Variants in HELB observed in about 807,000 individuals in gnomAD.
The protein encoded by HELB is DNA helicase B, also known as DNA 5'-3' helicase B.
A neutral mutation model predicts 101.7 loss-of-function variants in HELB; 96 were observed. The ratio of observed to expected loss-of-function variants is 0.94; its 90% confidence interval spans 0.80 to 1.12. HELB has a LOEUF of 1.12. HELB is among the 50% of genes most tolerant of loss of function. The pLI, the probability that HELB is intolerant of heterozygous loss-of-function variation, is 0.00. For missense variants in HELB, 1,210 were observed against 1,291.9 expected (o/e 0.94, Z 0.97); for synonymous variants, 437 against 459.7 (o/e 0.95, Z 0.63).
intron 7 of HELB, among the ~76,000 whole-genome samples, chr12:66,320,065 A>C (rs187659401): frequency 6.6e-6 from 1 of 152,200 alleles, no homozygotes; most frequent in Admixed American, 6.5e-5. Context: ...AAAAGTGAAC[A>C]AATATATTTT....
At chr12:66,321,702 C>G (rs1045739185) in intron 7 of HELB, 5 of 381,986 alleles carry the variant, frequency 1.3e-5, no homozygotes, top group Non-Finnish European at 2.4e-5. Flanking sequence ...AAATGGGGAA[C>G]TGTCCTGGCC....
chr12:66,325,247 A>G, intron 11 of HELB, 121 bp downstream of exon 11: 1 of 655,358 alleles, frequency 1.5e-6, no homozygotes, highest in Non-Finnish European at 2.6e-6. Context: ...AAAATACACA[A>G]AAGTACAGAA....
rs767771511 is a variant in HELB at position 66,324,985 on chromosome 12, T to C, written c.2529T>C (p.Asp843=). 2 of 1,612,192 alleles carry C rather than the reference T, an allele frequency of 1.2e-6. No individual in the cohort carries two copies. The highest frequency in any genetic ancestry group is 8.5e-7 in the Non-Finnish European group (1 of 1,178,356). The change falls in exon 11 of 13, where the codon GAT becomes GAC. Residue 843 remains aspartate, a splice_region_variant and synonymous_variant. Transcript: ENST00000247815. ...ATAGTTCTTTGGTTTGGTGACAGGA[T>C]GTAACTGATGTAACTTTTGGAAAGA... ...CNGEIFFITN[D]VTDVTFGKRR... is the part of the protein sequence containing the mutation.
At chr12:66,317,534 A>T (rs1280226049) in intron 6 of HELB, among the ~76,000 whole-genome samples, 1 of 152,250 alleles carries the variant, frequency 6.6e-6, no homozygotes, top group Non-Finnish European at 1.5e-5. Flanking sequence ...AAAGTCCAAG[A>T]AACGTGGAGG....
Position 66,318,620 on chromosome 12 carries a change from GTGT to G in HELB, c.2001-16_2001-14del, listed in dbSNP as rs1251307261. On this transcript the variant is annotated splice_polypyrimidine_tract_variant and intron_variant, in intron 6 of 12. Transcript: ENST00000247815. ...GGATGATAATGTTCTTTGTGTGTGT[GTGT>G]TATCTTTATTCAAGAATCTCAAGAC... 1.3e-6 allele frequency: 2 copies of G among 1,589,860 alleles called. No individual in the cohort carries two copies. The highest frequency in any genetic ancestry group is 2.7e-5 in the African/African-American group (2 of 73,446).
intron 11 of HELB, among the ~76,000 whole-genome samples, 173 bp downstream of exon 11, chr12:66,325,299 AG>A (rs1200579858): frequency 5.3e-5 from 8 of 152,284 alleles, no homozygotes; most frequent in African/African-American, 1.9e-4. Context: ...TTTTTGCTCC[AG>A]AGCTCTCTTT....
chr12:66,325,399 A>G (rs949965688), intron 11 of HELB, among the ~76,000 whole-genome samples: 2 of 152,122 alleles, frequency 1.3e-5, no homozygotes, highest in Admixed American at 6.5e-5. Flanking sequence ...TTGGCATGGC[A>G]CTGTACTCAT....
At chr12:66,330,760 C>A (rs192074925) in intron 11 of HELB, among the ~76,000 whole-genome samples, 6 of 149,574 alleles carry the variant, frequency 4.0e-5, no homozygotes, top group African/African-American at 7.3e-5. Context: ...TATAATATAT[C>A]TATATGTTTA....
chr12:66,305,212 T>G, intron 2 of HELB, 62 bp downstream of exon 2: 1 of 1,016,994 alleles, frequency 9.8e-7, no homozygotes, highest in Non-Finnish European at 1.5e-6. Context: ...CTACAGTGTT[T>G]AAAATGTTAC....
intron 6 of HELB, 35 bp downstream of exon 6, chr12:66,315,418 G>C: frequency 6.3e-6 from 9 of 1,425,128 alleles, no homozygotes; most frequent in Non-Finnish European, 8.4e-6. Context: ...TTTTCTGTCT[G>C]TTGTATTAGA....
chr12:66,322,296 C>T (rs2137005163), intron 8 of HELB, among the ~76,000 whole-genome samples: 1 of 152,174 alleles, frequency 6.6e-6, no homozygotes, highest in South Asian at 2.1e-4. Flanking sequence ...GGCTTGGTGG[C>T]TCACACCTGT....
chr12:66,306,609 G>A (rs2053479497), intron 3 of HELB, 95 bp downstream of exon 3: 3 of 753,058 alleles, frequency 4.0e-6, no homozygotes, highest in Middle Eastern at 3.6e-4. Flanking sequence ...AAAAAAATTT[G>A]TGTGGACCCC....
At chr12:66,306,564 T>C (rs1451761292) in intron 3 of HELB, 50 bp downstream of exon 3, 1 of 1,357,632 alleles carries the variant, frequency 7.4e-7, no homozygotes, top group Non-Finnish European at 9.8e-7. Flanking sequence ...AAGGCATGGT[T>C]TCAGATTTGG....
At chr12:66,338,289 T>C, downstream of HELB, 1 of 556,562 alleles carries the variant, frequency 1.8e-6, no homozygotes, top group Non-Finnish European at 3.2e-6. Flanking sequence ...TGAGAACTGG[T>C]AGCACTGGAC....
intron 7 of HELB, chr12:66,321,746 T>C (rs373618835): frequency 2.1e-6 from 1 of 471,664 alleles, no homozygotes; most frequent in African/African-American, 2.0e-5. Flanking sequence ...GTGGGTTGTC[T>C]TGGAACCCTT....
In HELB at chr12:66,314,114, C is replaced by A; in HGVS notation, c.1809C>A (p.Val603=). The A allele has an allele frequency of 6.2e-7, 1 of 1,613,748 alleles. No homozygotes were observed. Among genetic ancestry groups the A allele is most frequent in the South Asian group, 1.1e-5 (1 of 91,062 alleles). Residue 603 remains valine, a synonymous_variant, in exon 5 of 13, where the codon GTC becomes GTA. Transcript: ENST00000247815. ...SLVSVGIFKS[V]LNLLCEHSKL... ...TATCTGTAGGAATCTTCAAATCGGT[C>A]TTAAATTTATTGTGTGAGCACTCCA...
At position 66,325,111 on chromosome 12, in the gene HELB, T is replaced by A; in HGVS notation, c.2655T>A (p.Thr885=). ...YCRIKHAWAR[T]IHTFQGSEEQ... ...GCATAAAACATGCATGGGCAAGAAC[T>A]ATTCACACTTTTCAGGTAAGAGGAG... The change falls in exon 11 of 13, where the codon ACT becomes ACA. Residue 885 remains threonine (T), a synonymous_variant. Transcript: ENST00000247815. 6.2e-7 allele frequency: 1 copy of A among 1,606,328 alleles called. No individual in the cohort carries two copies. The highest frequency in any genetic ancestry group is 8.5e-7 in the Non-Finnish European group (1 of 1,173,966).
Position 66,306,483 on chromosome 12 carries a change from G to C in HELB, c.746G>C (p.Gly249Ala). 1 of 1,592,330 alleles carries C rather than the reference G, an allele frequency of 6.3e-7. No individual in the cohort carries two copies. The change falls in exon 3 of 13, where the codon GGT (glycine) becomes GCT (alanine). Residue 249 changes from glycine to alanine, a missense_variant. By Grantham distance (60) the Gly-to-Ala change is moderately conservative. Transcript: ENST00000247815. ...TTGAAAGAGATAGAAGAGATTTTAG[G>C]TACACATCCGTGGAAACTTGGATTT... is the stretch of plus-strand genomic sequence containing the variant. ...EMLKEIEEILGTHPWKLGFSK... is the reference protein window; with the variant it reads ...EMLKEIEEILATHPWKLGFSK...
intron 4 of HELB, among the ~76,000 whole-genome samples, chr12:66,313,712 G>T (rs2053568446): frequency 6.6e-6 from 1 of 152,132 alleles, no homozygotes; most frequent in African/African-American, 2.4e-5. Context: ...CCACGAGAAG[G>T]TTTATTTGGG....
Sources: gnomAD v4.1 joint callset for allele counts (sites outside exome capture counted in the v4.1 genomes callset) on GRCh38, gnomAD v4.1.1 for gene constraint, MANE v1.5 for transcripts, NCBI Gene and HGNC (gene_info 2026-07-23, HGNC 2026-07-21) for gene names.